CNTN1: variants seen among roughly 807,000 people sequenced by gnomAD.
CNTN1 encodes contactin-1.
In CNTN1, 38 loss-of-function variants were observed where a neutral mutation model predicts 126.4. That is an observed-to-expected ratio of 0.30 (90% CI 0.23 to 0.39). The LOEUF is 0.39. Among genes scored for constraint, CNTN1 ranks in the 10% least tolerant of loss-of-function variants. The pLI is 1.00. For missense variants in CNTN1, 1,009 were observed against 1,248.4 expected, an observed-to-expected ratio of 0.81 and a Z score of 2.89; for synonymous variants, 413 against 422.6, an observed-to-expected ratio of 0.98 and a Z score of 0.28.
chr12:40,869,083 T>C (rs796437510), intron 1 of CNTN1, among the ~76,000 whole-genome samples: 40 of 151,994 alleles, frequency 2.6e-4, no homozygotes, highest in African/African-American at 9.4e-4. Flanking sequence ...TAATTTTGAA[T>C]AAAATGCTAC....
intron 1 of CNTN1, among the ~76,000 whole-genome samples, chr12:40,856,495 A>T (rs928414663): frequency 2.0e-5 from 3 of 152,112 alleles, no homozygotes; most frequent in Admixed American, 6.6e-5. Context: ...TATAGGGCTG[A>T]CCTGCAAGGC....
chr12:40,943,272 T>A (rs1462219718), intron 12 of CNTN1, among the ~76,000 whole-genome samples: 10 of 152,100 alleles, frequency 6.6e-5, no homozygotes, highest in Admixed American at 6.6e-4. Flanking sequence ...TGAATTGAAG[T>A]CCTGAGGTTA....
chr12:41,010,396 G>A (rs749862664), intron 17 of CNTN1, among the ~76,000 whole-genome samples: 2 of 152,160 alleles, frequency 1.3e-5, no homozygotes, highest in Non-Finnish European at 2.9e-5. Flanking sequence ...TGCACCTATA[G>A]AAACTAGCAG....
At chr12:40,933,342 C>G in intron 7 of CNTN1, 119 bp from the exon 8 acceptor site, 4 of 758,758 alleles carry the variant, frequency 5.3e-6, no homozygotes, top group Admixed American at 1.8e-5. Flanking sequence ...ATGACCTGTA[C>G]CTGTACAGAG....
chr12:40,887,987 G>A (rs931431030), intron 1 of CNTN1, among the ~76,000 whole-genome samples: 2 of 140,574 alleles, frequency 1.4e-5, no homozygotes, highest in Admixed American at 7.6e-5. Flanking sequence ...ACACAGGAAG[G>A]GGAACATCAC....
At chr12:40,803,829 G>T (rs936249452) in intron 1 of CNTN1, among the ~76,000 whole-genome samples, 1 of 151,724 alleles carries the variant, frequency 6.6e-6, no homozygotes, top group Non-Finnish European at 1.5e-5. Context: ...AGAAGGAAGG[G>T]GAAGGAGAAG....
chr12:40,773,350 A>G (rs1939421732), intron 1 of CNTN1, among the ~76,000 whole-genome samples: 1 of 151,654 alleles, frequency 6.6e-6, no homozygotes, highest in Non-Finnish European at 1.5e-5. Context: ...TTAATTTTAC[A>G]TTCATCCTGT....
At chr12:40,952,866 T>G (rs1201064381) in intron 14 of CNTN1, among the ~76,000 whole-genome samples, 2 of 152,186 alleles carry the variant, frequency 1.3e-5, no homozygotes, top group East Asian at 3.8e-4. Context: ...CAGACATATT[T>G]AATAATTTTT....
chr12:40,925,617 A>T (rs1028998479), intron 6 of CNTN1, among the ~76,000 whole-genome samples: 4 of 145,148 alleles, frequency 2.8e-5, no homozygotes, highest in African/African-American at 1.0e-4. Context: ...GTGTATATAT[A>T]TATATACACA....
chr12:40,996,996 T>A (rs1213379833), intron 17 of CNTN1, among the ~76,000 whole-genome samples: 3 of 152,218 alleles, frequency 2.0e-5, no homozygotes, highest in Non-Finnish European at 2.9e-5. Context: ...TTGAAAGACA[T>A]GACATTATCC....
chr12:40,798,407 C>G (rs1273138105), intron 1 of CNTN1, among the ~76,000 whole-genome samples: 1 of 151,864 alleles, frequency 6.6e-6, no homozygotes, highest in Non-Finnish European at 1.5e-5. Context: ...TTTTTTCAGA[C>G]AAACAAAGCT....
At chr12:41,008,824 T>C (rs1181569198) in intron 17 of CNTN1, among the ~76,000 whole-genome samples, 1 of 152,244 alleles carries the variant, frequency 6.6e-6, no homozygotes, top group Non-Finnish European at 1.5e-5. Flanking sequence ...CCTTCTTATA[T>C]AAAATCTCTT....
chr12:41,031,178 A>G (rs956659868), intron 23 of CNTN1, among the ~76,000 whole-genome samples: 5 of 152,182 alleles, frequency 3.3e-5, no homozygotes, highest in Non-Finnish European at 7.3e-5. Flanking sequence ...ACATCAGTTT[A>G]CCTATCACTA....
intron 3 of CNTN1, among the ~76,000 whole-genome samples, chr12:40,911,429 GCAACAGC>G (rs1256126402): frequency 1.3e-5 from 2 of 152,154 alleles, no homozygotes; most frequent in Admixed American, 6.5e-5. Flanking sequence ...TGGGGAAGAA[GCAACAGC>G]GGAAACCCCT....
intron 12 of CNTN1, 64 bp downstream of exon 12, chr12:40,939,549 C>T: frequency 6.4e-7 from 1 of 1,559,818 alleles, no homozygotes; most frequent in Non-Finnish European, 8.8e-7. Flanking sequence ...TTATAGAAGA[C>T]TTGTTTATAT....
intron 23 of CNTN1, among the ~76,000 whole-genome samples, chr12:41,064,549 A>T (rs1297849987): frequency 6.6e-6 from 1 of 152,224 alleles, no homozygotes; most frequent in Non-Finnish European, 1.5e-5. Context: ...AATGCTTTAC[A>T]TAAAGCAGTT....
At chr12:40,771,236 CAG>C (rs1326961399) in intron 1 of CNTN1, among the ~76,000 whole-genome samples, 1 of 152,056 alleles carries the variant, frequency 6.6e-6, no homozygotes, top group East Asian at 1.9e-4. Context: ...GGATCACACT[CAG>C]AGAGTATTAG....
intron 1 of CNTN1, among the ~76,000 whole-genome samples, chr12:40,739,329 T>C (rs1937835291): frequency 6.6e-6 from 1 of 152,128 alleles, no homozygotes; most frequent in Non-Finnish European, 1.5e-5. Context: ...ATGAAACATA[T>C]TGTACCATTT....
chr12:40,937,536 C>G (rs141121023), intron 10 of CNTN1, 34 bp from the exon 11 acceptor site: 2 of 1,326,518 alleles, frequency 1.5e-6, no homozygotes, highest in Non-Finnish European at 2.2e-6. Context: ...TATTAAAGTT[C>G]ATTGAGAATA....
Sources: gnomAD v4.1 joint callset for allele counts (sites outside exome capture counted in the v4.1 genomes callset) on GRCh38, gnomAD v4.1.1 for gene constraint, MANE v1.5 for transcripts, NCBI Gene and HGNC (gene_info 2026-07-23, HGNC 2026-07-21) for gene names.